Variants in EHBP1 observed in about 807,000 individuals in gnomAD.
The protein encoded by EHBP1 is EH domain-binding protein 1.
A neutral mutation model predicts 144.0 loss-of-function variants in EHBP1; 55 were observed. The ratio of observed to expected loss-of-function variants is 0.38; its 90% CI spans 0.31 to 0.48. EHBP1 has a LOEUF of 0.48. EHBP1 is among the 20% of genes least tolerant of loss of function. EHBP1 has a pLI of 0.98. For synonymous variants in EHBP1, 469 were observed against 472.7 expected, an observed-to-expected ratio of 0.99 and a Z score of 0.10; for missense variants, 1,200 against 1,364.2, an observed-to-expected ratio of 0.88 and a Z score of 1.90.
intron 3 of EHBP1, among the ~76,000 whole-genome samples, chr2:62,747,779 C>T (rs1006520652): frequency 2.6e-5 from 4 of 151,762 alleles, no homozygotes; most frequent in African/African-American, 9.7e-5. Flanking sequence ...TACTTTTGCA[C>T]CAACCTAATA....
chr2:62,942,739 G>C lies in EHBP1; in HGVS notation c.1207G>C (p.Val403Leu). The change falls in exon 11 of 23, where the codon GTT becomes CTT. Residue 403 changes from valine to leucine, a missense_variant. By Grantham distance (32) the Val-to-Leu change is conservative (BLOSUM62 1). This residue lies in a region of EHBP1 where 266 missense variants were observed against 262.4 expected (regional missense o/e 1.01). Transcript: ENST00000431489. ...SPKPSPIPSPVLGRKPNASQS... is the reference protein window; with the variant it reads ...SPKPSPIPSPLLGRKPNASQS... Reference sequence around the variant, plus strand: ...CTAGCCAAGCCCTATACCAAGTCCTGTTTTGGGGCGAAAGCCAAATGCTAG... The same window carrying C: ...CTAGCCAAGCCCTATACCAAGTCCTCTTTTGGGGCGAAAGCCAAATGCTAG... 6.2e-7 allele frequency: 1 copy of C among 1,609,236 alleles called. No individual in the cohort carries two copies. Among genetic ancestry groups the C allele is most frequent in the Non-Finnish European group, 8.5e-7 (1 of 1,177,048 alleles).
At chr2:63,041,237 G>T (rs892725417) in intron 21 of EHBP1, among the ~76,000 whole-genome samples, 1 of 152,096 alleles carries the variant, frequency 6.6e-6, no homozygotes, top group Non-Finnish European at 1.5e-5. Flanking sequence ...TTTCTCCTGA[G>T]GTGTTTTTCA....
chr2:62,991,578 T>G (rs979684183), intron 16 of EHBP1, among the ~76,000 whole-genome samples: 2 of 152,230 alleles, frequency 1.3e-5, no homozygotes, highest in African/African-American at 4.8e-5. Flanking sequence ...TTAAGATAAC[T>G]TGCATGTGTT....
intron 14 of EHBP1, among the ~76,000 whole-genome samples, chr2:62,958,187 A>G (rs2057813820): frequency 6.6e-6 from 1 of 152,170 alleles, no homozygotes; most frequent in Non-Finnish European, 1.5e-5. Context: ...ATACACTTAC[A>G]TGACCCCAGC....
chr2:62,982,922 T>C (rs2153207791), intron 15 of EHBP1, among the ~76,000 whole-genome samples: 1 of 152,302 alleles, frequency 6.6e-6, no homozygotes, highest in Non-Finnish European at 1.5e-5. Flanking sequence ...TTAGGTCACC[T>C]GTAACTGTAT....
chr2:62,994,061 G>C, intron 18 of EHBP1, 84 bp downstream of exon 18: 1 of 951,256 alleles, frequency 1.1e-6, no homozygotes, highest in Non-Finnish European at 1.5e-6. Flanking sequence ...GTTAAAATGA[G>C]ATGTTAGGTT....
chr2:62,697,998 C>T (rs913208163), intron 1 of EHBP1, among the ~76,000 whole-genome samples: 1 of 152,172 alleles, frequency 6.6e-6, no homozygotes. Flanking sequence ...AAGTACTCAA[C>T]AAGTTGGTCT....
intron 7 of EHBP1, among the ~76,000 whole-genome samples, chr2:62,858,202 A>G (rs1365722096): frequency 1.3e-5 from 2 of 152,200 alleles, no homozygotes; most frequent in South Asian, 2.1e-4. Context: ...TAACAATAAA[A>G]TGCTTTCTAT....
intron 9 of EHBP1, among the ~76,000 whole-genome samples, chr2:62,874,054 G>A (rs1043918679): frequency 3.9e-5 from 6 of 152,110 alleles, no homozygotes; most frequent in Middle Eastern, 3.4e-3. Context: ...AAATATACAC[G>A]ATTTACTATT....
At chr2:62,691,405 C>T (rs2033900466) in intron 1 of EHBP1, among the ~76,000 whole-genome samples, 2 of 152,188 alleles carry the variant, frequency 1.3e-5, no homozygotes, top group African/African-American at 4.8e-5. Flanking sequence ...CACACTCCCT[C>T]CCTTGGAGGA....
chr2:62,788,999 A>C (rs1445671455), intron 5 of EHBP1, among the ~76,000 whole-genome samples: 5 of 152,230 alleles, frequency 3.3e-5, no homozygotes, highest in African/African-American at 1.2e-4. Flanking sequence ...TCCTGTGAAA[A>C]TGTCTTGTCT....
intron 3 of EHBP1, among the ~76,000 whole-genome samples, chr2:62,756,722 C>T (rs944320377): frequency 2.8e-5 from 4 of 141,534 alleles, no homozygotes; most frequent in Non-Finnish European, 6.0e-5. Context: ...GAGCTGAGAT[C>T]GTGCCATTGC....
At chr2:63,003,726 A>G (rs1289979316) in intron 19 of EHBP1, among the ~76,000 whole-genome samples, 2 of 152,116 alleles carry the variant, frequency 1.3e-5, no homozygotes, top group Non-Finnish European at 2.9e-5. Flanking sequence ...AAATTGAACC[A>G]ATAAACTCAG....
chr2:62,910,990 T>C (rs557356344), intron 10 of EHBP1, among the ~76,000 whole-genome samples: 2 of 152,364 alleles, frequency 1.3e-5, no homozygotes, highest in Admixed American at 1.3e-4. Flanking sequence ...TAGGACCTCC[T>C]GTACTAGAAT....
chr2:62,867,641 A>G (rs1315781318), intron 9 of EHBP1, among the ~76,000 whole-genome samples: 2 of 152,210 alleles, frequency 1.3e-5, no homozygotes, highest in Non-Finnish European at 2.9e-5. Context: ...TTTTCAGTCA[A>G]TTTATAAATT....
chr2:62,736,640 A>G (rs1279598746), intron 2 of EHBP1, among the ~76,000 whole-genome samples: 1 of 152,080 alleles, frequency 6.6e-6, no homozygotes, highest in Non-Finnish European at 1.5e-5. Context: ...CTTCATTTCC[A>G]TCGTAGTGTT....
intron 4 of EHBP1, among the ~76,000 whole-genome samples, chr2:62,771,071 G>A (rs180896349): frequency 9.2e-5 from 14 of 152,176 alleles, no homozygotes; most frequent in Admixed American, 1.3e-4. Context: ...ACTAGAATTC[G>A]TACCTGGGTG....
At chr2:62,837,621 C>A (rs1206619688) in intron 7 of EHBP1, among the ~76,000 whole-genome samples, 2 of 147,994 alleles carry the variant, frequency 1.4e-5, no homozygotes, top group Non-Finnish European at 3.0e-5. Flanking sequence ...CACACATAGG[C>A]TCAAAATAAA....
intron 5 of EHBP1, among the ~76,000 whole-genome samples, chr2:62,822,422 T>C (rs1170296240): frequency 6.6e-6 from 1 of 152,188 alleles, no homozygotes; most frequent in South Asian, 2.1e-4. Context: ...CCTTTCAAGA[T>C]TGGTGACCCT....
Sources: gnomAD v4.1 joint callset for allele counts (sites outside exome capture counted in the v4.1 genomes callset) on GRCh38, gnomAD v4.1.1 for gene constraint, gnomAD v4.1.1 regional missense constraint, MANE v1.5 for transcripts, NCBI Gene and HGNC (gene_info 2026-07-23, HGNC 2026-07-21) for gene names.